ADAMTSL1: variants seen among roughly 807,000 people sequenced by gnomAD.
ADAMTSL1 encodes the protein ADAMTS-like protein 1.
ADAMTSL1 carries 126 observed loss-of-function variants against 201.8 expected under a neutral mutation model. That is an observed-to-expected ratio of 0.62 (90% CI 0.54 to 0.72). The LOEUF is 0.72. Among genes scored for constraint, ADAMTSL1 ranks in the 30% least tolerant of loss-of-function variants. ADAMTSL1 has a pLI of 0.00. For synonymous variants in ADAMTSL1, 1,121 were observed against 903.4 expected, an observed-to-expected ratio of 1.24 and a Z score of -4.32; for missense variants, 2,679 against 2,277.8, an observed-to-expected ratio of 1.18 and a Z score of -3.59.
At chr9:18,768,414 T>C (rs1820485700) in intron 16 of ADAMTSL1, among the ~76,000 whole-genome samples, 1 of 151,470 alleles carries the variant, frequency 6.6e-6, no homozygotes, top group East Asian at 1.9e-4. Flanking sequence ...TTCTAGCCCC[T>C]GTGTGGCCTT....
chr9:18,075,849 G>T (rs1329919), intron 1 of ADAMTSL1, among the ~76,000 whole-genome samples: 52,631 of 152,026 alleles, frequency 0.35, 10,592 homozygotes, highest in Non-Finnish European at 0.46. Flanking sequence ...ACCTGTGCCT[G>T]TAAAAGGTGC....
chr9:18,399,848 G>A (rs918729384), intron 2 of ADAMTSL1, among the ~76,000 whole-genome samples: 1 of 152,092 alleles, frequency 6.6e-6, no homozygotes, highest in East Asian at 1.9e-4. Flanking sequence ...ATTTTTTGGT[G>A]TTGGTGCTGG....
rs183819859 is a variant in ADAMTSL1, at chr9:18,820,520, A to C, written c.3934+3283A>C. 9.8e-5 allele frequency among the ~76,000 whole-genome samples: 15 copies of C among 152,340 alleles called. No individual in the cohort carries two copies. In the East Asian group the frequency reaches 2.7e-3, roughly 27 times the overall value. On this transcript the variant is annotated intron_variant, in intron 21 of 28. Transcript: ENST00000380548. ...TTAATTTCCTTAATGATTCCCTTTTATCCTGCTTTATTTCCTCTCAGTAAT... is the reference window on the plus strand; with the variant it reads ...TTAATTTCCTTAATGATTCCCTTTTCTCCTGCTTTATTTCCTCTCAGTAAT...
intron 2 of ADAMTSL1, among the ~76,000 whole-genome samples, chr9:18,199,189 G>A (rs1829324157): frequency 2.0e-5 from 3 of 151,770 alleles, no homozygotes; most frequent in South Asian, 4.2e-4. Flanking sequence ...CAGTGCACCA[G>A]CATGGCACAT....
chr9:18,419,802 T>G (rs1818859018), intron 2 of ADAMTSL1, among the ~76,000 whole-genome samples: 1 of 151,418 alleles, frequency 6.6e-6, no homozygotes, highest in African/African-American at 2.4e-5. Flanking sequence ...CGATCTTAGT[T>G]CACTGCAACC....
At chr9:18,665,657 TTCCC>T (rs1480024105) in intron 9 of ADAMTSL1, among the ~76,000 whole-genome samples, 2 of 152,142 alleles carry the variant, frequency 1.3e-5, no homozygotes, top group African/African-American at 4.8e-5. Flanking sequence ...TTTCCTTTTG[TTCCC>T]ACCATCTTCT....
intron 1 of ADAMTSL1, among the ~76,000 whole-genome samples, chr9:18,102,576 T>C (rs969692708): frequency 6.6e-6 from 1 of 152,138 alleles, no homozygotes; most frequent in African/African-American, 2.4e-5. Flanking sequence ...GGATGATGAA[T>C]AAGATTTTGA....
chr9:18,104,556 A>G (rs1348476635), intron 1 of ADAMTSL1, among the ~76,000 whole-genome samples: 1 of 152,106 alleles, frequency 6.6e-6, no homozygotes, highest in Non-Finnish European at 1.5e-5. Context: ...GTGGACATAG[A>G]GAGTGGAAAA....
chr9:18,434,755 G>A (rs1443765952), intron 2 of ADAMTSL1, among the ~76,000 whole-genome samples: 1 of 152,108 alleles, frequency 6.6e-6, no homozygotes, highest in Non-Finnish European at 1.5e-5. Context: ...TGACTTGCCT[G>A]CCCTGCAAGA....
Position 18,622,318 on chromosome 9 carries a change from A to C in ADAMTSL1, c.550A>C (p.Thr184Pro), listed in dbSNP as rs765144256. 1 of 1,614,068 alleles carries C rather than the reference A, an allele frequency of 6.2e-7. No homozygotes were observed. Among genetic ancestry groups the C allele is most frequent in the Non-Finnish European group, 8.5e-7 (1 of 1,179,960 alleles). The change falls in exon 5 of 29, where the codon ACC becomes CCC. Residue 184 changes from threonine to proline, a missense_variant. Thr to Pro is a conservative substitution (Grantham distance 38, BLOSUM62 -1). Transcript: ENST00000380548. Reference protein sequence around the residue: ...NCGVCNGDGSTCRLVRGQYKS... With the variant: ...NCGVCNGDGSPCRLVRGQYKS... ...TGGGGTCTGCAACGGAGATGGGTCCACCTGCCGGCTGGTCCGAGGGCAGTA... is the reference window on the plus strand; with the variant it reads ...TGGGGTCTGCAACGGAGATGGGTCCCCCTGCCGGCTGGTCCGAGGGCAGTA...
At chr9:18,304,369 A>G (rs1021879164) in intron 2 of ADAMTSL1, among the ~76,000 whole-genome samples, 1 of 152,044 alleles carries the variant, frequency 6.6e-6, no homozygotes, top group Non-Finnish European at 1.5e-5. Context: ...ATAAAAGAAA[A>G]CCTTGTGAGC....
At position 18,753,401 on chromosome 9, in the gene ADAMTSL1, A is replaced by G. The variant is rs1345856186; in HGVS notation, c.2110A>G (p.Thr704Ala). The change falls in exon 16 of 29, where the codon ACA becomes GCA. Residue 704 changes from threonine (T) to alanine (A), a missense_variant. Transcript: ENST00000380548. ...CCTGCTTTCCAGAGAGATGAATGAA[A>G]CAGTCATCCTGGCTGATGAGCTGTG... ...SHLLSREMNETVILADELCRQ... is the reference protein window; with the variant it reads ...SHLLSREMNEAVILADELCRQ... 1.2e-6 allele frequency: 2 copies of G among 1,613,020 alleles called. No homozygotes were observed. Among genetic ancestry groups the G allele is most frequent in the African/African-American group, 2.7e-5 (2 of 74,878 alleles).
chr9:18,693,051 A>G (rs1831328639), intron 13 of ADAMTSL1, among the ~76,000 whole-genome samples: 1 of 152,102 alleles, frequency 6.6e-6, no homozygotes, highest in African/African-American at 2.4e-5. Flanking sequence ...TTTTCCCAAA[A>G]TTTTATGGAT....
At chr9:18,780,483 A>G (rs1049984508) in intron 19 of ADAMTSL1, among the ~76,000 whole-genome samples, 11 of 152,130 alleles carry the variant, frequency 7.2e-5, no homozygotes, top group Non-Finnish European at 1.5e-4. Flanking sequence ...AGATGTATGT[A>G]CTGCTGGATT....
At chr9:18,547,603 T>C (rs1820543293) in intron 3 of ADAMTSL1, among the ~76,000 whole-genome samples, 1 of 143,402 alleles carries the variant, frequency 7.0e-6, no homozygotes. Flanking sequence ...GAGGAGGCTC[T>C]CTGTTGTGAA....
At chr9:18,517,913 C>T (rs1818461568) in intron 2 of ADAMTSL1, among the ~76,000 whole-genome samples, 1 of 152,098 alleles carries the variant, frequency 6.6e-6, no homozygotes, top group Non-Finnish European at 1.5e-5. Flanking sequence ...GCCGAAAGTT[C>T]TTCATGGCCT....
chr9:17,951,465 T>A (rs1827724932), intron 1 of ADAMTSL1, among the ~76,000 whole-genome samples: 1 of 152,194 alleles, frequency 6.6e-6, no homozygotes, highest in Non-Finnish European at 1.5e-5. Flanking sequence ...TCTCCCACAT[T>A]CTAACCATGC....
intron 4 of ADAMTSL1, among the ~76,000 whole-genome samples, chr9:18,580,231 A>C (rs1027673342): frequency 3.3e-5 from 5 of 152,202 alleles, no homozygotes; most frequent in African/African-American, 1.2e-4. Context: ...CAATAAAATG[A>C]ATCACAGAGT....
At chr9:17,913,061 G>A (rs1366989683) in intron 1 of ADAMTSL1, among the ~76,000 whole-genome samples, 1 of 152,112 alleles carries the variant, frequency 6.6e-6, no homozygotes, top group Non-Finnish European at 1.5e-5. Context: ...CTATATCTCT[G>A]TTTTGGTACC....
Sources: allele counts gnomAD v4.1 joint callset (sites outside exome capture counted in the v4.1 genomes callset), GRCh38; gene constraint gnomAD v4.1.1; transcripts MANE v1.5; gene names NCBI Gene and HGNC (gene_info 2026-07-23, HGNC 2026-07-21).